PCDH11X: variants seen among roughly 807,000 people sequenced by gnomAD.
PCDH11X encodes protocadherin-11 X-linked.
PCDH11X carries 18 observed loss-of-function variants against 53.3 expected under a neutral mutation model. The ratio of observed to expected loss-of-function variants is 0.34; its 90% CI spans 0.23 to 0.50. The LOEUF (loss-of-function observed/expected upper bound fraction) is 0.50. Ranked by LOEUF, PCDH11X falls within the 20% of genes least tolerant of loss-of-function variation. The pLI, the probability that PCDH11X is intolerant of heterozygous loss-of-function variation, is 0.98. For missense variants in PCDH11X, 570 were observed against 1,032.4 expected, an observed-to-expected ratio of 0.55 and a Z score of 6.14; for synonymous variants, 279 against 393.3, an observed-to-expected ratio of 0.71 and a Z score of 3.44.
chrX:92,457,711 A>C (rs1421031301), intron 9 of PCDH11X, among the ~76,000 whole-genome samples: 9 of 108,822 alleles, frequency 8.3e-5, no homozygotes, highest in Non-Finnish European at 1.7e-4. Flanking sequence ...TTAGGAGGAA[A>C]AATACTGTCA....
intron 9 of PCDH11X, among the ~76,000 whole-genome samples, chrX:92,414,095 G>A (rs1222249644): frequency 2.4e-4 from 26 of 108,593 alleles, no homozygotes; most frequent in Admixed American, 2.3e-3. Context: ...AAAACTAGCA[G>A]TGCAGCAAGT....
intron 10 of PCDH11X, among the ~76,000 whole-genome samples, chrX:92,475,196 A>G (rs1328621035): frequency 1.9e-5 from 2 of 106,237 alleles, no homozygotes; most frequent in Non-Finnish European, 3.9e-5. Context: ...AAAAAAAAGA[A>G]TAGTTTACAC....
At chrX:92,592,495 G>T (rs934310508) in intron 10 of PCDH11X, among the ~76,000 whole-genome samples, 1 of 109,511 alleles carries the variant, frequency 9.1e-6, no homozygotes, top group African/African-American at 3.3e-5. Flanking sequence ...ACTTTGGGAG[G>T]CTGAGTTGGT....
At chrX:92,007,031 C>T (rs2062611230) in intron 6 of PCDH11X, among the ~76,000 whole-genome samples, 1 of 111,084 alleles carries the variant, frequency 9.0e-6, no homozygotes, top group Non-Finnish European at 1.9e-5. Flanking sequence ...GTGGTCACCA[C>T]CACTATGACC....
chrX:92,277,436 G>C (rs34348386), intron 8 of PCDH11X, among the ~76,000 whole-genome samples: 3 of 110,581 alleles, frequency 2.7e-5, no homozygotes, highest in Admixed American at 9.7e-5. Context: ...TCGGGTGTGA[G>C]TTGAAGAGGT....
At chrX:92,394,579 C>A (rs2071203389) in intron 9 of PCDH11X, among the ~76,000 whole-genome samples, 1 of 110,728 alleles carries the variant, frequency 9.0e-6, no homozygotes, top group South Asian at 3.8e-4. Flanking sequence ...AGCCATGAGG[C>A]GATTCATTTT....
At chrX:92,598,250 C>T (rs377182534) in intron 10 of PCDH11X, among the ~76,000 whole-genome samples, 4 of 110,324 alleles carry the variant, frequency 3.6e-5, no homozygotes, top group African/African-American at 9.9e-5. Flanking sequence ...GAAGAGACAA[C>T]CCACAGAATG....
chrX:92,593,589 T>C (rs1015550777), intron 10 of PCDH11X, among the ~76,000 whole-genome samples: 57 of 111,751 alleles, frequency 5.1e-4, no homozygotes, highest in Non-Finnish European at 1.9e-4. Flanking sequence ...AAAAACTTTC[T>C]TAAAAGAGTA....
At chrX:92,505,693 A>T (rs1457609972) in intron 10 of PCDH11X, among the ~76,000 whole-genome samples, 1 of 110,542 alleles carries the variant, frequency 9.0e-6, no homozygotes, top group African/African-American at 3.3e-5. Context: ...CTCTTTTTTG[A>T]TTCCACATAA....
At chrX:92,215,250 A>G (rs1224358064) in intron 7 of PCDH11X, among the ~76,000 whole-genome samples, 1 of 109,915 alleles carries the variant, frequency 9.1e-6, no homozygotes, top group African/African-American at 3.3e-5. Flanking sequence ...AGGGCAAGGC[A>G]TTGCCTCACT....
At chrX:92,518,558 A>G (rs1213308617) in intron 10 of PCDH11X, among the ~76,000 whole-genome samples, 1 of 111,008 alleles carries the variant, frequency 9.0e-6, no homozygotes, top group East Asian at 2.8e-4. Flanking sequence ...CACTTGGTCC[A>G]GTGACCTACT....
chrX:91,899,520 A>G (rs189005098), intron 6 of PCDH11X, among the ~76,000 whole-genome samples: 2,911 of 110,111 alleles, frequency 0.026, 55 homozygotes, highest in Non-Finnish European at 0.042. Flanking sequence ...TTGACACTCA[A>G]TGTTAACCAT....
At chrX:92,337,491 G>A (rs966844006) in intron 8 of PCDH11X, among the ~76,000 whole-genome samples, 6 of 110,585 alleles carry the variant, frequency 5.4e-5, no homozygotes, top group Non-Finnish European at 1.1e-4. Context: ...GAATGTCCTG[G>A]ATGTACTCAT....
At chrX:92,121,947 CT>C (rs1222352823) in intron 6 of PCDH11X, among the ~76,000 whole-genome samples, 1 of 103,229 alleles carries the variant, frequency 9.7e-6, no homozygotes, top group South Asian at 4.4e-4. Context: ...CAGAGCAAGA[CT>C]CCCTTTCAAA....
At chrX:92,219,558 A>G (rs1200250581) in intron 7 of PCDH11X, among the ~76,000 whole-genome samples, 1 of 107,799 alleles carries the variant, frequency 9.3e-6, no homozygotes, top group Non-Finnish European at 1.9e-5. Flanking sequence ...GGATACAAAC[A>G]AATGGAAGAA....
chrX:92,047,043 C>G (rs1478693169), intron 6 of PCDH11X, among the ~76,000 whole-genome samples: 1 of 82,751 alleles, frequency 1.2e-5, no homozygotes, highest in African/African-American at 6.5e-5. Flanking sequence ...AAAATAAAAT[C>G]TAAAATACAA....
intron 7 of PCDH11X, among the ~76,000 whole-genome samples, chrX:92,210,008 G>T (rs186040781): frequency 9.0e-6 from 1 of 110,851 alleles, no homozygotes; most frequent in African/African-American, 3.3e-5. Flanking sequence ...TGGGACACAG[G>T]GTGCCATGTC....
At chrX:92,147,984 C>CCTTCCTTT (rs1396586818) in intron 6 of PCDH11X, among the ~76,000 whole-genome samples, 2 of 72,103 alleles carry the variant, frequency 2.8e-5, no homozygotes, top group African/African-American at 7.9e-5. Context: ...TTCCTTCCTT[C>CCTTCCTTT]CTTTCTTTCT....
At chrX:91,823,431 G>A (rs2147590594) in intron 4 of PCDH11X, among the ~76,000 whole-genome samples, 1 of 111,060 alleles carries the variant, frequency 9.0e-6, no homozygotes, top group African/African-American at 3.3e-5. Context: ...TTATGGAATG[G>A]CCTTCTTTGT....
Sources: gnomAD v4.1 joint callset for allele counts (sites outside exome capture counted in the v4.1 genomes callset) on GRCh38, gnomAD v4.1.1 for gene constraint, MANE v1.5 for transcripts, NCBI Gene and HGNC (gene_info 2026-07-23, HGNC 2026-07-21) for gene names.